SPATA13: variants seen among roughly 807,000 people sequenced by gnomAD.
SPATA13 encodes spermatogenesis-associated protein 13.
In SPATA13, 50 loss-of-function variants were observed where a neutral mutation model predicts 104.0. The observed-to-expected ratio is 0.48, with a 90% CI of 0.38 to 0.61. SPATA13 has a LOEUF of 0.61. SPATA13 is among the 20% of genes least tolerant of loss of function. SPATA13 has a pLI of 0.00. For synonymous variants in SPATA13, 606 were observed against 667.5 expected, an observed-to-expected ratio of 0.91 and a Z score of 1.42; for missense variants, 1,524 against 1,690.6, an observed-to-expected ratio of 0.90 and a Z score of 1.73.
chr13:24,292,995 C>CAAAAA lies in SPATA13; in HGVS notation c.3081-1721_3081-1717dup, dbSNP rs34221097. ...TGGGTGACAGAGTGAGACTTTGTCT[C>CAAAAA]AAAAAAAAAAAAAAAAAAAAAAAAA... On this transcript the variant is annotated intron_variant, in intron 9 of 12. Coordinates refer to ENST00000382108, the MANE Select transcript of SPATA13 (RefSeq NM_001166271.3). Among the ~76,000 whole-genome samples, 26 of 23,930 alleles carry CAAAAA rather than the reference C, an allele frequency of 1.1e-3. 11 individuals are homozygous for CAAAAA. The South Asian group carries it at 0.013, about 12-fold the overall frequency. The allele number at this position is 23,930 out of a possible 152,430, so 15.7% of individuals were successfully genotyped here.
At chr13:24,299,560 G>A (rs1307053113) in intron 11 of SPATA13, among the ~76,000 whole-genome samples, 1 of 152,212 alleles carries the variant, frequency 6.6e-6, no homozygotes, top group Non-Finnish European at 1.5e-5. Flanking sequence ...GGACAGTCTG[G>A]GACAGATGTT....
chr13:24,174,611 C>G (rs1883141007), intron 1 of SPATA13, among the ~76,000 whole-genome samples: 1 of 152,072 alleles, frequency 6.6e-6, no homozygotes, highest in African/African-American at 2.4e-5. Flanking sequence ...AAGTCTTGCT[C>G]TGTCACCCAG....
chr13:24,007,903 G>C (rs1876303934), intron 2 of SPATA13, among the ~76,000 whole-genome samples: 2 of 152,208 alleles, frequency 1.3e-5, no homozygotes, highest in African/African-American at 4.8e-5. Context: ...ATCATGATCT[G>C]GGTGCACATG....
intron 3 of SPATA13, among the ~76,000 whole-genome samples, chr13:24,019,957 C>T (rs891129199): frequency 6.6e-6 from 1 of 152,158 alleles, no homozygotes; most frequent in African/African-American, 2.4e-5. Context: ...CACCTCTTTG[C>T]CCCCATGTCA....
At chr13:24,192,452 T>C (rs1449319088) in intron 1 of SPATA13, among the ~76,000 whole-genome samples, 1 of 152,092 alleles carries the variant, frequency 6.6e-6, no homozygotes, top group Non-Finnish European at 1.5e-5. Flanking sequence ...CCAGTTCCTC[T>C]TCCTCCTCCT....
intron 3 of SPATA13, among the ~76,000 whole-genome samples, chr13:24,142,393 A>T (rs1393989707): frequency 1.3e-5 from 2 of 152,144 alleles, no homozygotes; most frequent in Non-Finnish European, 2.9e-5. Flanking sequence ...CAAATGTTAT[A>T]GTTCTTTAGT....
At chr13:24,079,386 C>G (rs1879435010) in intron 3 of SPATA13, among the ~76,000 whole-genome samples, 1 of 152,166 alleles carries the variant, frequency 6.6e-6, no homozygotes, top group South Asian at 2.1e-4. Context: ...AAAAGATCAC[C>G]CTGGTTTCTT....
intron 10 of SPATA13, among the ~76,000 whole-genome samples, chr13:24,295,632 C>T (rs961325420): frequency 6.6e-6 from 1 of 151,192 alleles, no homozygotes; most frequent in Non-Finnish European, 1.5e-5. Context: ...GGAAAGACCA[C>T]AAATACAATG....
At chr13:24,284,390 C>T (rs1479662165) in intron 5 of SPATA13, 119 bp downstream of exon 5, 7 of 1,122,690 alleles carry the variant, frequency 6.2e-6, no homozygotes, top group Non-Finnish European at 8.7e-6. Context: ...ACCTGGAACT[C>T]TGATTAAAAC....
intron 4 of SPATA13, among the ~76,000 whole-genome samples, chr13:24,257,916 C>T (rs1269454771): frequency 6.6e-6 from 1 of 152,154 alleles, no homozygotes; most frequent in Non-Finnish European, 1.5e-5. Context: ...AGAAGCCCAT[C>T]TGAGCTGGCC....
At chr13:24,057,569 T>A (rs1482696741) in intron 3 of SPATA13, among the ~76,000 whole-genome samples, 1 of 146,636 alleles carries the variant, frequency 6.8e-6, no homozygotes. Flanking sequence ...GGTGCAGGGC[T>A]GGGAATTTGA....
At chr13:24,298,683 A>G (rs1232536964) in intron 11 of SPATA13, among the ~76,000 whole-genome samples, 1 of 152,156 alleles carries the variant, frequency 6.6e-6, no homozygotes, top group Non-Finnish European at 1.5e-5. Flanking sequence ...GCCCCTCCCC[A>G]TCCTTGCCCA....
At chr13:24,118,395 G>A (rs12866835) in intron 3 of SPATA13, among the ~76,000 whole-genome samples, 26,975 of 152,124 alleles carry the variant, frequency 0.18, 3,164 homozygotes, top group Middle Eastern at 0.31. Flanking sequence ...CTCCTGGCAC[G>A]TGTGGATTAT....
rs747124731 is a variant in SPATA13 at position 24,224,028 on chromosome 13, A to G, written c.1099A>G (p.Arg367Gly). The change falls in exon 2 of 13, where the codon AGG (arginine) becomes GGG (glycine). Residue 367 changes from arginine to glycine, a missense_variant. This residue lies in a region of SPATA13 where 1,089 missense variants were observed against 1,135.9 expected (regional missense o/e 0.96). Transcript: ENST00000382108. ...TGACGACTACTCCCGCCGCGTCTCC[A>G]GGAGCACTGAGCAGGACAGCAGGCG... ...LHDDYSRRVSRSTEQDSRRGG... is the reference protein window; with the variant it reads ...LHDDYSRRVSGSTEQDSRRGG... The G allele has an allele frequency of 6.5e-7, 1 of 1,549,256 alleles. No homozygotes were observed. The highest frequency in any genetic ancestry group is 1.2e-5 in the South Asian group (1 of 83,974).
chr13:24,271,037 T>A (rs1193846861), intron 4 of SPATA13: 6 of 702,184 alleles, frequency 8.5e-6, no homozygotes, highest in Non-Finnish European at 1.3e-5. Flanking sequence ...TCTCTCTCTC[T>A]CTCACTCTCT....
rs376481427 is a variant in SPATA13 at position 24,092,996 on chromosome 13, C to T, written c.-112+75295C>T. On this transcript the variant is annotated intron_variant, in intron 3 of 14. Coordinates refer to the SPATA13 transcript ENST00000424834. ...AGAATCTGAGAGGATCACCAAAGGCCGTGATGATTAATCTTATTTTCCAGA... is the reference window on the plus strand; with the variant it reads ...AGAATCTGAGAGGATCACCAAAGGCTGTGATGATTAATCTTATTTTCCAGA... Among the ~76,000 whole-genome samples the T allele has an allele frequency of 2.4e-4, 36 of 152,272 alleles. 1 individual carries two copies. The South Asian group carries it at 6.2e-3, about 26-fold the overall frequency.
intron 2 of SPATA13, among the ~76,000 whole-genome samples, chr13:23,985,715 A>C (rs550972805): frequency 6.6e-6 from 1 of 152,350 alleles, no homozygotes; most frequent in East Asian, 1.9e-4. Flanking sequence ...AAATCATTGG[A>C]AAGTCCTAAA....
chr13:24,269,740 A>AT (rs1874472451), intron 4 of SPATA13, among the ~76,000 whole-genome samples: 1 of 120,444 alleles, frequency 8.3e-6, no homozygotes, highest in Non-Finnish European at 1.7e-5. Flanking sequence ...GGCTAATATA[A>AT]ATTTTTTTTT....
intron 2 of SPATA13, among the ~76,000 whole-genome samples, chr13:24,007,564 C>T (rs1013742474): frequency 2.0e-5 from 3 of 152,212 alleles, no homozygotes; most frequent in Non-Finnish European, 4.4e-5. Context: ...TCAAGTAGTT[C>T]TCATGCCTCA....
Sources: allele counts gnomAD v4.1 joint callset (sites outside exome capture counted in the v4.1 genomes callset), GRCh38; gene constraint gnomAD v4.1.1; regional missense constraint gnomAD v4.1.1; transcripts MANE v1.5; gene names NCBI Gene and HGNC (gene_info 2026-07-23, HGNC 2026-07-21).